The following SBF2 variants were observed in gnomAD, a reference collection of about 807,000 sequenced individuals.
SBF2 encodes SET binding factor 2.
In SBF2, 112 loss-of-function variants were observed where a neutral mutation model predicts 225.2. The ratio of observed to expected loss-of-function variants is 0.50; its 90% confidence interval spans 0.43 to 0.58. The LOEUF (loss-of-function observed/expected upper bound fraction) is 0.58. SBF2 is among the 20% of genes least tolerant of loss of function. The pLI, the probability that SBF2 is intolerant of heterozygous loss-of-function variation, is 0.00. For synonymous variants in SBF2, 763 were observed against 773.3 expected, an observed-to-expected ratio of 0.99 and a Z score of 0.22; for missense variants, 1,996 against 2,206.2, an observed-to-expected ratio of 0.90 and a Z score of 1.91.
intron 1 of SBF2, among the ~76,000 whole-genome samples, chr11:10,242,723 C>T (rs1003838214): frequency 2.0e-5 from 3 of 151,826 alleles, no homozygotes; most frequent in African/African-American, 7.3e-5. Context: ...GACTTTATGT[C>T]AAAAACTGTT....
intron 1 of SBF2, among the ~76,000 whole-genome samples, chr11:10,240,522 A>T (rs1959193728): frequency 6.6e-6 from 1 of 152,214 alleles, no homozygotes; most frequent in Admixed American, 6.5e-5. Flanking sequence ...AGTGACACAG[A>T]ATCAGTATCT....
intron 16 of SBF2, among the ~76,000 whole-genome samples, chr11:9,921,821 CA>C (rs1257203483): frequency 6.6e-6 from 1 of 152,176 alleles, no homozygotes; most frequent in Non-Finnish European, 1.5e-5. Context: ...AAAGGGCTTA[CA>C]AGCTATTGCA....
chr11:10,072,350 C>G (rs1014191441), intron 2 of SBF2, among the ~76,000 whole-genome samples: 2 of 152,132 alleles, frequency 1.3e-5, no homozygotes, highest in African/African-American at 4.8e-5. Flanking sequence ...CTAGTCAGCA[C>G]AAAGTGTTGA....
At chr11:10,237,723 C>G (rs1959131958) in intron 1 of SBF2, among the ~76,000 whole-genome samples, 1 of 152,162 alleles carries the variant, frequency 6.6e-6, no homozygotes, top group African/African-American at 2.4e-5. Flanking sequence ...AGCCATAACC[C>G]CCCAAAGATT....
At chr11:9,917,061 C>A (rs557935782) in intron 16 of SBF2, among the ~76,000 whole-genome samples, 2 of 141,550 alleles carry the variant, frequency 1.4e-5, no homozygotes, top group South Asian at 4.5e-4. Flanking sequence ...TTTTTATTTT[C>A]ATTTAAAAAA....
At chr11:9,989,053 T>C (rs1214713363) in intron 13 of SBF2, among the ~76,000 whole-genome samples, 2 of 150,462 alleles carry the variant, frequency 1.3e-5, no homozygotes, top group African/African-American at 2.5e-5. Flanking sequence ...TATATATATA[T>C]ATACATATGC....
chr11:9,797,829 C>T (rs574915445), intron 32 of SBF2, among the ~76,000 whole-genome samples: 22 of 152,182 alleles, frequency 1.4e-4, no homozygotes, highest in African/African-American at 4.1e-4. Flanking sequence ...AACAATTAGC[C>T]AGGTGTGGTG....
chr11:10,069,104 C>T (rs1307981733), intron 2 of SBF2, among the ~76,000 whole-genome samples: 1 of 152,008 alleles, frequency 6.6e-6, no homozygotes, highest in Admixed American at 6.6e-5. Flanking sequence ...CAATGAAACC[C>T]ATTTACCCTT....
intron 17 of SBF2, among the ~76,000 whole-genome samples, chr11:9,883,608 T>C (rs939339661): frequency 6.6e-6 from 1 of 152,190 alleles, no homozygotes; most frequent in Admixed American, 6.5e-5. Flanking sequence ...ATCATTATTA[T>C]TATATTTTAT....
intron 1 of SBF2, among the ~76,000 whole-genome samples, chr11:10,238,517 G>A (rs1959166837): frequency 7.3e-6 from 1 of 136,376 alleles, no homozygotes; most frequent in Admixed American, 7.2e-5. Flanking sequence ...ATTGAAAAAA[G>A]CTTGAATTCC....
intron 26 of SBF2, among the ~76,000 whole-genome samples, chr11:9,833,460 G>T (rs989397494): frequency 1.7e-4 from 23 of 135,742 alleles, no homozygotes; most frequent in Non-Finnish European, 2.6e-4. Flanking sequence ...TCGCTCTGTC[G>T]CCCAGGCTGG....
At position 9,832,254 on chromosome 11, in the gene SBF2, G is replaced by A; in HGVS notation, c.3622C>T (p.Leu1208Phe). The A allele has an allele frequency of 6.2e-7, 1 of 1,601,450 alleles. No homozygotes were observed. The highest frequency in any genetic ancestry group is 8.5e-7 in the Non-Finnish European group (1 of 1,172,494). ...GGFHGKGVVG[L>F]FKSQNSPQAA... is the part of the protein sequence containing the mutation. ...TGAGGGGAGTTCTGAGATTTGAAAA[G>A]ACCAACGACTCCCTTCCCATGGAAT... Residue 1208 changes from leucine to phenylalanine, a missense_variant, in exon 27 of 40, where the codon CTT becomes TTT. Leu to Phe is a conservative substitution (Grantham distance 22, BLOSUM62 0). Coordinates refer to ENST00000256190, the MANE Select transcript of SBF2 (RefSeq NM_030962.4).
intron 17 of SBF2, among the ~76,000 whole-genome samples, chr11:9,865,482 G>A (rs1336650190): frequency 6.6e-6 from 1 of 151,860 alleles, no homozygotes; most frequent in African/African-American, 2.4e-5. Flanking sequence ...CTGAGGTCAG[G>A]AGTTCAAGAC....
intron 16 of SBF2, among the ~76,000 whole-genome samples, chr11:9,921,779 C>T (rs1353755777): frequency 1.1e-4 from 16 of 152,194 alleles, no homozygotes; most frequent in Admixed American, 9.8e-4. Context: ...AACTTGCATA[C>T]AGTCTCTTAC....
intron 16 of SBF2, among the ~76,000 whole-genome samples, chr11:9,898,166 C>T (rs959043840): frequency 3.9e-5 from 6 of 151,998 alleles, no homozygotes; most frequent in Middle Eastern, 3.4e-3. Flanking sequence ...ATGGGGAGGG[C>T]GTAGTACTGC....
intron 13 of SBF2, among the ~76,000 whole-genome samples, chr11:9,975,516 G>A (rs1946642053): frequency 6.6e-6 from 1 of 152,180 alleles, no homozygotes; most frequent in Admixed American, 6.5e-5. Context: ...GAACTTTGGG[G>A]GAGTGATAGA....
At chr11:9,807,480 T>G (rs1452573617) in intron 32 of SBF2, among the ~76,000 whole-genome samples, 1 of 152,218 alleles carries the variant, frequency 6.6e-6, no homozygotes, top group Non-Finnish European at 1.5e-5. Flanking sequence ...ATTTCATTCT[T>G]TTGTATGGCT....
chr11:10,297,396 T>G (rs1428794369), upstream of SBF2, among the ~76,000 whole-genome samples: 2 of 152,126 alleles, frequency 1.3e-5, no homozygotes, highest in African/African-American at 2.4e-5. Flanking sequence ...CTCAAAAAAG[T>G]TTTTAATTTT....
At chr11:9,963,734 A>C in intron 15 of SBF2, 39 bp downstream of exon 15, 1 of 991,918 alleles carries the variant, frequency 1.0e-6, no homozygotes, top group Non-Finnish European at 1.6e-6. Context: ...TGAAAGGGAA[A>C]TGATAAATGC....
Sources: allele counts gnomAD v4.1 joint callset (sites outside exome capture counted in the v4.1 genomes callset), GRCh38; gene constraint gnomAD v4.1.1; transcripts MANE v1.5; gene names NCBI Gene and HGNC (gene_info 2026-07-23, HGNC 2026-07-21).